NTN4: variants seen among roughly 807,000 people sequenced by gnomAD.
NTN4 encodes the protein netrin-4.
In NTN4, 32 loss-of-function variants were observed where a neutral mutation model predicts 73.6. The observed-to-expected ratio is 0.44, with a 90% CI of 0.33 to 0.58. The LOEUF (loss-of-function observed/expected upper bound fraction) is 0.58, where lower values mean the gene tolerates loss of function less well. NTN4 is among the 20% of genes least tolerant of loss of function. The pLI is 0.04. For synonymous variants in NTN4, 258 were observed against 287.5 expected, an observed-to-expected ratio of 0.90 and a Z score of 1.04; for missense variants, 654 against 798.3, an observed-to-expected ratio of 0.82 and a Z score of 2.18.
In NTN4 at chr12:95,787,546, A is replaced by C. The variant is rs2079178747; in HGVS notation, c.56-78T>G. 7 of 1,425,238 alleles carry C rather than the reference A, an allele frequency of 4.9e-6. No homozygotes were observed. The South Asian group carries it at 7.8e-5, about 16-fold the overall frequency. The allele number at this position is 1,425,238 out of a possible 1,614,324, so 88.3% of individuals were successfully genotyped here. A position where few individuals can be genotyped will look rare whatever the true frequency, so the allele number is the denominator to read the frequency against. On this transcript the variant is annotated intron_variant, in intron 1 of 9. Transcript: ENST00000343702. Reference sequence around the variant, plus strand: ...TTTGGCCACCTAGTCCATCAACAACAGTCAAGGATCTCCCCAAAAGCGCTT... The same window carrying C: ...TTTGGCCACCTAGTCCATCAACAACCGTCAAGGATCTCCCCAAAAGCGCTT...
intron 7 of NTN4, chr12:95,672,681 G>A (rs1315012251): frequency 3.4e-6 from 5 of 1,464,014 alleles, no homozygotes; most frequent in East Asian, 4.5e-5. Context: ...CCACCCTGCT[G>A]GAGCCTGACC....
intron 2 of NTN4, among the ~76,000 whole-genome samples, chr12:95,784,071 G>A (rs1399514192): frequency 2.0e-5 from 3 of 152,106 alleles, no homozygotes; most frequent in African/African-American, 7.2e-5. Flanking sequence ...TAGAATGGAG[G>A]AAAATATAGG....
chr12:95,779,110 C>G (rs1248584555), intron 2 of NTN4, among the ~76,000 whole-genome samples: 1 of 152,206 alleles, frequency 6.6e-6, no homozygotes, highest in Admixed American at 6.5e-5. Flanking sequence ...ATTCAACAGC[C>G]CTTCATGCTA....
At chr12:95,665,074 T>TA (rs2078169197) in intron 9 of NTN4, among the ~76,000 whole-genome samples, 1 of 152,102 alleles carries the variant, frequency 6.6e-6, no homozygotes, top group African/African-American at 2.4e-5. Context: ...GTATTGAAGA[T>TA]ACTATGATCA....
At chr12:95,772,016 G>A (rs1241240559) in intron 2 of NTN4, among the ~76,000 whole-genome samples, 1 of 152,026 alleles carries the variant, frequency 6.6e-6, no homozygotes, top group African/African-American at 2.4e-5. Context: ...ACAAAAGTTG[G>A]ACCCATAAAT....
chr12:95,703,592 C>T (rs1419132145), intron 5 of NTN4, among the ~76,000 whole-genome samples: 1 of 152,110 alleles, frequency 6.6e-6, no homozygotes, highest in Admixed American at 6.6e-5. Flanking sequence ...GTGAAGAAAC[C>T]TTTGATTAAT....
At chr12:95,667,581 G>A (rs571908668) in intron 8 of NTN4, among the ~76,000 whole-genome samples, 47 of 152,208 alleles carry the variant, frequency 3.1e-4, no homozygotes, top group African/African-American at 1.1e-3. Context: ...AAGGCCAGGT[G>A]CAGGGACTCA....
chr12:95,665,656 A>G, intron 9 of NTN4, 154 bp downstream of exon 9: 1 of 545,710 alleles, frequency 1.8e-6, no homozygotes. Context: ...ATGTTAGTTC[A>G]AAGAATTCCA....
Position 95,790,344 on chromosome 12 carries a change from G to C in NTN4, c.-35C>G. The C allele has an allele frequency of 6.6e-7, 1 of 1,511,312 alleles. No homozygotes were observed. Among genetic ancestry groups the C allele is most frequent in the East Asian group, 2.7e-5 (1 of 37,182 alleles). The allele number at this position is 1,511,312 out of a possible 1,614,324, so 93.6% of individuals were successfully genotyped here. ...GAGCCGGGAGCAGCCGGGCCGGGCG[G>C]GTGCCGGAGGGAGCCGAGACCTCTG... On this transcript the variant is annotated 5_prime_UTR_variant, in exon 1 of 10. Transcript: ENST00000343702. The surrounding 1 kb of genome is among the most constrained non-coding windows in gnomAD (Gnocchi z 6.5).
At chr12:95,669,304 T>C (rs1209446081) in intron 8 of NTN4, among the ~76,000 whole-genome samples, 2 of 152,146 alleles carry the variant, frequency 1.3e-5, no homozygotes, top group Non-Finnish European at 2.9e-5. Context: ...CATTTGAAGA[T>C]AGTAACAGTC....
intron 2 of NTN4, among the ~76,000 whole-genome samples, chr12:95,745,955 T>C (rs139058164): frequency 2.2e-4 from 34 of 152,330 alleles, no homozygotes; most frequent in African/African-American, 7.2e-4. Flanking sequence ...CCTGGCCCCA[T>C]GTTACCTCTG....
In NTN4 at chr12:95,781,688, T is replaced by A. The variant is rs2079133974; in HGVS notation, c.585+5251A>T. Among the ~76,000 whole-genome samples, 1 of 152,184 alleles carries A rather than the reference T, an allele frequency of 6.6e-6. No individual in the cohort carries two copies. The highest frequency in any genetic ancestry group is 2.4e-5 in the African/African-American group (1 of 41,450). Reference sequence around the variant, plus strand: ...TTTCTATTTCTCCATTTGTTTATGTTCCCCATTTCTTTTTTCTGCTTTAAT... The same window carrying A: ...TTTCTATTTCTCCATTTGTTTATGTACCCCATTTCTTTTTTCTGCTTTAAT... On this transcript the variant is annotated intron_variant, in intron 2 of 9. Transcript: ENST00000343702. The surrounding 1 kb of genome is among the most constrained non-coding windows in gnomAD (Gnocchi z 4.1).
intron 2 of NTN4, among the ~76,000 whole-genome samples, chr12:95,757,825 G>A (rs1488704582): frequency 1.3e-5 from 2 of 152,004 alleles, no homozygotes; most frequent in Non-Finnish European, 2.9e-5. Context: ...TTAGAAAAAA[G>A]GAGATTACAA....
At chr12:95,726,577 C>A (rs563989690) in intron 3 of NTN4, among the ~76,000 whole-genome samples, 1 of 152,182 alleles carries the variant, frequency 6.6e-6, no homozygotes, top group Non-Finnish European at 1.5e-5. Flanking sequence ...TATGAACATT[C>A]ATGTACAAGA....
chr12:95,668,127 A>G (rs1346221560), intron 8 of NTN4, among the ~76,000 whole-genome samples: 2 of 151,438 alleles, frequency 1.3e-5, no homozygotes, highest in African/African-American at 4.9e-5. Context: ...TAAAGGAGTA[A>G]GCAAGTAAGT....
rs59083360 is a variant in NTN4 at position 95,678,349 on chromosome 12, T to TAAAAAAAA, written c.1510+4350_1510+4357dup. On this transcript the variant is annotated intron_variant, in intron 7 of 9. Transcript: ENST00000343702. ...TGCACATGTATCCTAGAACTTAAAG[T>TAAAAAAAA]AAAAAAAAAAAAAAAAAAAGAATAG... Among the ~76,000 whole-genome samples, 6 of 110,944 alleles carry TAAAAAAAA rather than the reference T, an allele frequency of 5.4e-5. No individual in the cohort carries two copies. The East Asian group carries it at 1.1e-3, about 21-fold the overall frequency. The allele number at this position is 110,944 out of a possible 152,430, so 72.8% of individuals were successfully genotyped here. A position where few individuals can be genotyped will look rare whatever the true frequency, so the allele number is the denominator to read the frequency against.
intron 2 of NTN4, among the ~76,000 whole-genome samples, chr12:95,782,265 G>A (rs935577193): frequency 4.6e-5 from 7 of 152,010 alleles, no homozygotes; most frequent in East Asian, 1.9e-4. Flanking sequence ...AAACTGACAT[G>A]AGCCTTACCC....
At chr12:95,773,092 C>T (rs1234813598) in intron 2 of NTN4, among the ~76,000 whole-genome samples, 12 of 151,824 alleles carry the variant, frequency 7.9e-5, no homozygotes. Context: ...AACCTCCGCC[C>T]TCCGGGGTTC....
At chr12:95,732,162 A>T (rs954645742) in intron 3 of NTN4, among the ~76,000 whole-genome samples, 1 of 152,042 alleles carries the variant, frequency 6.6e-6, no homozygotes, top group Non-Finnish European at 1.5e-5. Flanking sequence ...TTGTTTTTTA[A>T]ATCTCCTGTT....
Sources: allele counts gnomAD v4.1 joint callset (sites outside exome capture counted in the v4.1 genomes callset), GRCh38; gene constraint gnomAD v4.1.1; non-coding constraint Gnocchi (gnomAD v3.1); transcripts MANE v1.5; gene names NCBI Gene and HGNC (gene_info 2026-07-23, HGNC 2026-07-21).